MRPS33: variants seen among roughly 807,000 people sequenced by gnomAD.
MRPS33 encodes mitochondrial ribosomal protein S33, also known as small ribosomal subunit protein mS33.
A neutral mutation model predicts 11.2 loss-of-function variants in MRPS33; 11 were observed. The ratio of observed to expected loss-of-function variants is 0.99; its 90% confidence interval spans 0.62 to 1.63. The LOEUF (loss-of-function observed/expected upper bound fraction) is 1.63, where lower values mean the gene tolerates loss of function less well. Among genes scored for constraint, MRPS33 ranks in the 40% most tolerant of loss-of-function variants. MRPS33 has a pLI of 0.00. For missense variants in MRPS33, 109 were observed against 127.8 expected (o/e 0.85, Z 0.71); for synonymous variants, 46 against 44.0 (o/e 1.05, Z -0.18).
intron 2 of MRPS33, among the ~76,000 whole-genome samples, 199 bp from the exon 3 acceptor site, chr7:141,006,734 G>C (rs944902365): frequency 5.3e-5 from 8 of 152,172 alleles, no homozygotes; most frequent in African/African-American, 1.9e-4. Context: ...AAGTTCACTT[G>C]TAAGTCCGTT....
intron 2 of MRPS33, among the ~76,000 whole-genome samples, chr7:141,009,035 T>C (rs1329606876): frequency 2.6e-5 from 4 of 151,614 alleles, no homozygotes; most frequent in African/African-American, 9.7e-5. Context: ...CCTCAAGTGG[T>C]CTGCCCGCCT....
rs551758160 is a variant in MRPS33, at chr7:141,012,206, T to TC, written c.-27-1547dup. On this transcript the variant is annotated intron_variant, in intron 1 of 2. Coordinates refer to ENST00000324787, the MANE Select transcript of MRPS33 (RefSeq NM_053035.3). ...AAAAAAAAAAAAAAGCAGAGGCTGA[T>TC]CTCAAACCACTGTCAACCTCAAAAC... 2.2e-4 allele frequency among the ~76,000 whole-genome samples: 23 copies of TC among 106,770 alleles called. No individual in the cohort carries two copies. In the East Asian group the frequency reaches 7.0e-3, roughly 33 times the overall value. The allele number at this position is 106,770 out of a possible 152,430, so 70.0% of individuals were successfully genotyped here.
At chr7:141,012,832 A>G (rs1462434508) in intron 1 of MRPS33, among the ~76,000 whole-genome samples, 2 of 152,168 alleles carry the variant, frequency 1.3e-5, no homozygotes, top group African/African-American at 4.8e-5. Context: ...CCTAGGTTTG[A>G]CTACTGGCTC....
chr7:141,007,258 C>T (rs1211710789), intron 2 of MRPS33, among the ~76,000 whole-genome samples: 1 of 152,150 alleles, frequency 6.6e-6, no homozygotes, highest in African/African-American at 2.4e-5. Context: ...CCACCATTTA[C>T]TAGATCTGTC....
In MRPS33 at chr7:141,006,376, C is replaced by T; in HGVS notation, c.*54G>A. 3 of 1,427,184 alleles carry T rather than the reference C, an allele frequency of 2.1e-6. No individual in the cohort carries two copies. In the South Asian group the frequency reaches 3.5e-5, roughly 17 times the overall value. 88.4% of individuals were successfully genotyped at this position (1,427,184 alleles called of 1,614,324 possible). A position where few individuals can be genotyped will look rare whatever the true frequency, so the allele number is the denominator to read the frequency against. On this transcript the variant is annotated 3_prime_UTR_variant, in exon 3 of 3. Coordinates refer to ENST00000324787, the MANE Select transcript of MRPS33 (RefSeq NM_053035.3). ...CCAATAGGTGGAAAGACAATAAATG[C>T]ACTTTCTTCTCTCCGCCACTGAGGA...
chr7:141,012,751 T>C (rs1820705728), intron 1 of MRPS33, among the ~76,000 whole-genome samples: 1 of 152,226 alleles, frequency 6.6e-6, no homozygotes, highest in South Asian at 2.1e-4. Context: ...GTTACAGTGT[T>C]TTCAGGAAAA....
At chr7:141,006,784 C>G (rs141152335) in intron 2 of MRPS33, among the ~76,000 whole-genome samples, 1 of 152,272 alleles carries the variant, frequency 6.6e-6, no homozygotes, top group African/African-American at 2.4e-5. Flanking sequence ...CAGGGAAATT[C>G]CCAGGCCAGC....
rs3805116 is a variant in MRPS33 at position 141,013,567 on chromosome 7, C to T, written c.-28+1344G>A. ...TCTCTCACGAAGAATAACACGGGAG[C>T]TTTTCTTACAACGTGCATGTCAATT... is the stretch of plus-strand genomic sequence containing the variant. On this transcript the variant is annotated intron_variant, in intron 1 of 2. Transcript: ENST00000324787. Among the ~76,000 whole-genome samples the T allele has an allele frequency of 2.8e-3, 424 of 152,298 alleles. 9 individuals carry two copies. In the East Asian group the frequency reaches 0.061, roughly 22 times the overall value.
chr7:141,006,496 T>C lies in MRPS33; in HGVS notation c.255A>G (p.Leu85=). 6.2e-7 allele frequency: 1 copy of C among 1,614,066 alleles called. No individual in the cohort carries two copies. The change falls in exon 3 of 3, where the codon CTA becomes CTG. Residue 85 remains leucine, a synonymous_variant. Coordinates refer to ENST00000324787, the MANE Select transcript of MRPS33 (RefSeq NM_053035.3). The part of the protein sequence containing the change: ...HQDFMDEQKR[L]KKLRGKEKPK... Reference sequence around the variant, plus strand: ...GTTTCTCCTTTCCACGAAGCTTCTTTAGTCGTTTTTGCTCATCCATAAAAT... The same window carrying C: ...GTTTCTCCTTTCCACGAAGCTTCTTCAGTCGTTTTTGCTCATCCATAAAAT...
At chr7:141,010,682 T>A (rs777895270) in intron 1 of MRPS33, 22 bp from the exon 2 acceptor site, 26 of 1,544,640 alleles carry the variant, frequency 1.7e-5, no homozygotes, top group Middle Eastern at 1.9e-4. Context: ...GAGAAGAAAG[T>A]TAAACAGGTT....
rs1044778012 is a variant in MRPS33, at chr7:141,004,436, G to T, written c.*1994C>A. ...GCCCTAGCCATACCATCTGGATTAG[G>T]TATCTTTAAAAATAGCATTCATTTA... On this transcript the variant is annotated 3_prime_UTR_variant, in exon 3 of 3. Coordinates refer to ENST00000324787, the MANE Select transcript of MRPS33 (RefSeq NM_053035.3). The T allele has an allele frequency of 6.6e-6, 1 of 152,064 alleles. No homozygotes were observed. The highest frequency in any genetic ancestry group is 2.1e-4 in the South Asian group (1 of 4,826). The allele number at this position is 152,064 out of a possible 1,614,324, so 9.4% of individuals were successfully genotyped here. A position where few individuals can be genotyped will look rare whatever the true frequency, so the allele number is the denominator to read the frequency against.
At chr7:141,014,200 G>A (rs966711797) in intron 1 of MRPS33, among the ~76,000 whole-genome samples, 3 of 152,162 alleles carry the variant, frequency 2.0e-5, no homozygotes, top group Non-Finnish European at 4.4e-5. Context: ...TCTGCGATGT[G>A]AAGCTAATAT....
At chr7:141,007,506 T>C (rs906825843) in intron 2 of MRPS33, among the ~76,000 whole-genome samples, 2 of 152,214 alleles carry the variant, frequency 1.3e-5, no homozygotes, top group Admixed American at 1.3e-4. Context: ...TGTCAGATCA[T>C]GCTACTCCTG....
chr7:141,013,073 A>G (rs543411892), intron 1 of MRPS33, among the ~76,000 whole-genome samples: 18 of 152,088 alleles, frequency 1.2e-4, no homozygotes, highest in South Asian at 4.2e-4. Context: ...AAAAAAAAAA[A>G]AGAGAGAGAG....
chr7:141,012,702 A>G (rs1820704646), intron 1 of MRPS33, among the ~76,000 whole-genome samples: 1 of 152,228 alleles, frequency 6.6e-6, no homozygotes, highest in Non-Finnish European at 1.5e-5. Context: ...GTATTTCCAC[A>G]GTTAGTTATC....
chr7:141,012,723 T>C (rs1820704962), intron 1 of MRPS33, among the ~76,000 whole-genome samples: 1 of 152,234 alleles, frequency 6.6e-6, no homozygotes, highest in Non-Finnish European at 1.5e-5. Flanking sequence ...TGTAAGCTGG[T>C]ATGGGAACTA....
Position 141,013,283 on chromosome 7 carries a change from C to T in MRPS33, c.-28+1628G>A, listed in dbSNP as rs561802639. ...ACAGGATGCTGCTGTTATGTCCATG[C>T]CCATTTTGGAATGTGGCAAATTACT... On this transcript the variant is annotated intron_variant, in intron 1 of 2. Coordinates refer to ENST00000324787, the MANE Select transcript of MRPS33 (RefSeq NM_053035.3). Among the ~76,000 whole-genome samples, 3 of 152,264 alleles carry T rather than the reference C, an allele frequency of 2.0e-5. No individual in the cohort carries two copies. In the South Asian group the frequency reaches 6.2e-4, roughly 32 times the overall value.
chr7:141,011,803 A>T (rs554413649), intron 1 of MRPS33, among the ~76,000 whole-genome samples: 2 of 152,214 alleles, frequency 1.3e-5, no homozygotes, highest in South Asian at 4.1e-4. Context: ...TTCTTGTAAG[A>T]AAACAAACCG....
Position 141,004,668 on chromosome 7 carries a change from TTAC to T in MRPS33, c.*1759_*1761del, listed in dbSNP as rs1305624665. 1.3e-5 allele frequency: 2 copies of T among 152,218 alleles called. No individual in the cohort carries two copies. The highest frequency in any genetic ancestry group is 2.9e-5 in the Non-Finnish European group (2 of 68,044). 9.4% of individuals were successfully genotyped at this position (152,218 alleles called of 1,614,324 possible). A position where few individuals can be genotyped will look rare whatever the true frequency, so the allele number is the denominator to read the frequency against. On this transcript the variant is annotated 3_prime_UTR_variant, in exon 3 of 3. Coordinates refer to ENST00000324787, the MANE Select transcript of MRPS33 (RefSeq NM_053035.3). ...GGTTAAGATCATTAATTTTATGTTT[TTAC>T]TACAATAATAAAAAGTTATTAAAAA...
Sources: gnomAD v4.1 joint callset for allele counts (sites outside exome capture counted in the v4.1 genomes callset) on GRCh38, gnomAD v4.1.1 for gene constraint, MANE v1.5 for transcripts, NCBI Gene and HGNC (gene_info 2026-07-23, HGNC 2026-07-21) for gene names.